The following ASAP2 variants were observed in gnomAD, a reference collection of about 807,000 sequenced individuals.
ASAP2 encodes ArfGAP with SH3 domain, ankyrin repeat and PH domain 2.
In ASAP2, 45 loss-of-function variants were observed where a neutral mutation model predicts 131.4. That is an observed-to-expected ratio of 0.34 (90% CI 0.27 to 0.44). The LOEUF is 0.44. ASAP2 is among the 20% of genes least tolerant of loss of function. The pLI, the probability that ASAP2 is intolerant of heterozygous loss-of-function variation, is 1.00. For synonymous variants in ASAP2, 510 were observed against 503.0 expected (o/e 1.01, Z -0.19); for missense variants, 1,011 against 1,297.0 (o/e 0.78, Z 3.39).
chr2:9,216,989 A>T (rs1008247900), intron 1 of ASAP2, among the ~76,000 whole-genome samples: 1 of 152,148 alleles, frequency 6.6e-6, no homozygotes, highest in Admixed American at 6.5e-5. Context: ...TAACTCATTT[A>T]GTTATTATCA....
At chr2:9,378,670 C>T (rs1239279017) in intron 18 of ASAP2, among the ~76,000 whole-genome samples, 1 of 152,204 alleles carries the variant, frequency 6.6e-6, no homozygotes, top group African/African-American at 2.4e-5. Context: ...ACCTTGGCCC[C>T]ACATGCTCAG....
intron 1 of ASAP2, among the ~76,000 whole-genome samples, chr2:9,219,004 C>T (rs562094880): frequency 2.0e-5 from 3 of 152,190 alleles, no homozygotes; most frequent in Non-Finnish European, 2.9e-5. Flanking sequence ...CGAATGAGGC[C>T]GTGTTGTTTG....
rs139947151 is a variant in ASAP2 at position 9,400,858 on chromosome 2, C to G, written c.2823+28C>G. On this transcript the variant is annotated intron_variant, in intron 26 of 27. Transcript: ENST00000281419. ...AAGTGACGAGCCCCCTTTCCTGCCT[C>G]TCTGCTCTAGCCAGGGGGGTGCAGG... 8.6e-4 allele frequency: 1,372 copies of G among 1,599,338 alleles called. 8 individuals carry two copies. The African/African-American group carries it at 0.015, about 18-fold the overall frequency.
chr2:9,333,605 G>A (rs1294093892), intron 7 of ASAP2, among the ~76,000 whole-genome samples: 1 of 152,180 alleles, frequency 6.6e-6, no homozygotes, highest in African/African-American at 2.4e-5. Flanking sequence ...AGAACTTGGT[G>A]GTCATGGAGG....
In ASAP2 at chr2:9,314,321, T is replaced by C. The variant is rs1669505498; in HGVS notation, c.346-4203T>C. On this transcript the variant is annotated intron_variant, in intron 3 of 27. Transcript: ENST00000281419. ...TTACCTACTGTTGCTGTATGCAAAA[T>C]AGGTGCTCAATAAATCACTTGAATG... Among the ~76,000 whole-genome samples the C allele has an allele frequency of 2.0e-5, 3 of 152,334 alleles. No homozygotes were observed. In the South Asian group the frequency reaches 6.2e-4, roughly 32 times the overall value.
At chr2:9,371,492 T>C (rs1673952013) in intron 16 of ASAP2, among the ~76,000 whole-genome samples, 1 of 152,240 alleles carries the variant, frequency 6.6e-6, no homozygotes, top group Non-Finnish European at 1.5e-5. Flanking sequence ...GCTAGTATTT[T>C]ACTTCCAGAT....
intron 1 of ASAP2, among the ~76,000 whole-genome samples, chr2:9,223,948 G>C (rs1200464811): frequency 6.6e-6 from 1 of 152,200 alleles, no homozygotes; most frequent in African/African-American, 2.4e-5. Context: ...GATTTGGTGC[G>C]CTGGGATGCA....
intron 2 of ASAP2, among the ~76,000 whole-genome samples, chr2:9,283,074 T>A (rs547837168): frequency 8.8e-6 from 1 of 113,862 alleles, no homozygotes; most frequent in Non-Finnish European, 1.8e-5. Context: ...AATAGATTCT[T>A]TTTTTTTTCC....
chr2:9,392,423 A>T lies in ASAP2; in HGVS notation c.2519-1059A>T, dbSNP rs1675799338. Among the ~76,000 whole-genome samples the T allele has an allele frequency of 1.3e-5, 2 of 152,300 alleles. No individual in the cohort carries two copies. Among genetic ancestry groups the T allele is most frequent in the African/African-American group, 4.8e-5 (2 of 41,572 alleles). On this transcript the variant is annotated intron_variant, in intron 23 of 27. Transcript: ENST00000281419. This position sits in a 1 kb window ranked among gnomAD's most constrained non-coding sequence, Gnocchi z 4.0. ...CTCGTGACTTCCTTAGAGTAAGTTA[A>T]AATTAAAAGCAGCCCAGCCCCAGCT...
At chr2:9,321,166 A>G (rs1670126137) in intron 5 of ASAP2, among the ~76,000 whole-genome samples, 1 of 152,158 alleles carries the variant, frequency 6.6e-6, no homozygotes, top group South Asian at 2.1e-4. Flanking sequence ...AAAAGGTGTT[A>G]TGAGGAAGTC....
At chr2:9,379,192 C>G (rs1416122332) in intron 19 of ASAP2, 133 bp downstream of exon 19, 6 of 500,492 alleles carry the variant, frequency 1.2e-5, no homozygotes, top group Non-Finnish European at 2.0e-5. Context: ...GAAGGAGAAC[C>G]TACCGCTAAT....
chr2:9,314,561 G>A (rs1338909556), intron 3 of ASAP2, among the ~76,000 whole-genome samples: 2 of 152,172 alleles, frequency 1.3e-5, no homozygotes, highest in African/African-American at 4.8e-5. Context: ...ATACAATAAA[G>A]GTGGATGCTA....
At chr2:9,334,690 T>C in intron 7 of ASAP2, 48 bp from the exon 8 acceptor site, 1 of 1,555,608 alleles carries the variant, frequency 6.4e-7, no homozygotes, top group Non-Finnish European at 8.8e-7. Context: ...GACAAAATTA[T>C]TTTTTCCTTT....
At chr2:9,267,636 C>T (rs1165235717) in intron 1 of ASAP2, among the ~76,000 whole-genome samples, 1 of 152,026 alleles carries the variant, frequency 6.6e-6, no homozygotes, top group Non-Finnish European at 1.5e-5. Context: ...GTTTCTCATG[C>T]CTGTAATCCC....
rs76425240 is a variant in ASAP2 at position 9,334,524 on chromosome 2, A to G, written c.687-214A>G. On this transcript the variant is annotated intron_variant, in intron 7 of 27. Coordinates refer to ENST00000281419, the MANE Select transcript of ASAP2 (RefSeq NM_003887.3). ...GGGTCGAGAAAAATCTCAAATACTT[A>G]AGCTTATTGCATTTCCTTTTCTGTT... Among the ~76,000 whole-genome samples the G allele has an allele frequency of 2.8e-3, 420 of 152,238 alleles. 2 individuals carry two copies. The highest frequency in any genetic ancestry group is 9.6e-3 in the African/African-American group (400 of 41,530).
intron 3 of ASAP2, among the ~76,000 whole-genome samples, chr2:9,299,852 C>G (rs896033693): frequency 2.0e-5 from 3 of 152,220 alleles, no homozygotes; most frequent in African/African-American, 7.2e-5. Flanking sequence ...GGATAGCTTA[C>G]TTAATTCTTA....
intron 3 of ASAP2, among the ~76,000 whole-genome samples, chr2:9,301,086 T>C (rs1345981818): frequency 6.6e-6 from 1 of 152,232 alleles, no homozygotes; most frequent in Non-Finnish European, 1.5e-5. Context: ...GCACCATTCT[T>C]CTTCCTGTTT....
intron 11 of ASAP2, among the ~76,000 whole-genome samples, chr2:9,347,829 A>G (rs1481252224): frequency 2.0e-5 from 3 of 152,186 alleles, no homozygotes; most frequent in African/African-American, 7.2e-5. Context: ...CTCTTACACA[A>G]TCTAAAATTT....
chr2:9,400,037 C>T lies in ASAP2; in HGVS notation c.2699C>T (p.Thr900Ile). 1 of 1,613,380 alleles carries T rather than the reference C, an allele frequency of 6.2e-7. No homozygotes were observed. The highest frequency in any genetic ancestry group is 8.5e-7 in the Non-Finnish European group (1 of 1,179,734). The change falls in exon 25 of 28, where the codon ACC (threonine) becomes ATC (isoleucine). Residue 900 changes from threonine (T) to isoleucine (I), a missense_variant. Coordinates refer to ENST00000281419, the MANE Select transcript of ASAP2 (RefSeq NM_003887.3). ...TGTCTTTGTAGGGCTGACAAGTCCACCCCACTGACCAACAAAGGCCAACCG... is the reference window on the plus strand; with the variant it reads ...TGTCTTTGTAGGGCTGACAAGTCCATCCCACTGACCAACAAAGGCCAACCG... ...KKPAPGADKS[T>I]PLTNKGQPRG... is the part of the protein sequence containing the mutation.
Sources: gnomAD v4.1 joint callset for allele counts (sites outside exome capture counted in the v4.1 genomes callset) on GRCh38, gnomAD v4.1.1 for gene constraint, Gnocchi (gnomAD v3.1) non-coding constraint, MANE v1.5 for transcripts, NCBI Gene and HGNC (gene_info 2026-07-23, HGNC 2026-07-21) for gene names.